The following ZNF148 variants were observed in gnomAD, a reference collection of about 807,000 sequenced individuals.
The protein encoded by ZNF148 is zinc finger protein 148.
Under a neutral mutation model 67.7 loss-of-function variants are expected in ZNF148, and 7 were observed. That is an observed-to-expected ratio of 0.10 (90% CI 0.06 to 0.19). The LOEUF is 0.19. Among genes scored for constraint, ZNF148 ranks in the 10% least tolerant of loss-of-function variants. The probability of loss-of-function intolerance (pLI) is 1.00; values close to 1 mark genes in which losing one functional copy is unlikely to be tolerated. For synonymous variants in ZNF148, 333 were observed against 330.7 expected (o/e 1.01, Z -0.08); for missense variants, 583 against 947.1 (o/e 0.62, Z 5.05).
intron 7 of ZNF148, among the ~76,000 whole-genome samples, chr3:125,250,140 A>G (rs1374733475): frequency 6.6e-6 from 1 of 152,230 alleles, no homozygotes; most frequent in Non-Finnish European, 1.5e-5. Flanking sequence ...AATTGTTGAG[A>G]GTAAATCTTA....
At position 125,363,221 on chromosome 3, in the gene ZNF148, C is replaced by G. The variant is rs1942598454; in HGVS notation, c.-234+11881G>C. 2.6e-5 allele frequency among the ~76,000 whole-genome samples: 4 copies of G among 152,186 alleles called. No individual in the cohort carries two copies. The South Asian group carries it at 8.3e-4, about 31-fold the overall frequency. On this transcript the variant is annotated intron_variant, in intron 1 of 8. Coordinates refer to ENST00000360647, the MANE Select transcript of ZNF148 (RefSeq NM_021964.3). ...GGAATGCATAATGATTTCTTTTTAA[C>G]TAGATTCTTCAACTATTACTTCAAT...
At chr3:125,260,037 C>A (rs1466497207) in intron 7 of ZNF148, among the ~76,000 whole-genome samples, 1 of 152,042 alleles carries the variant, frequency 6.6e-6, no homozygotes, top group African/African-American at 2.4e-5. Flanking sequence ...GAGGGAACAG[C>A]CAGTTGGTGG....
At chr3:125,373,743 C>T (rs528092870) in intron 1 of ZNF148, among the ~76,000 whole-genome samples, 56 of 152,318 alleles carry the variant, frequency 3.7e-4, no homozygotes, top group Middle Eastern at 3.4e-3. Flanking sequence ...CACTGGAGAA[C>T]TCCCTCACAG....
chr3:125,255,863 C>A (rs534394929), intron 7 of ZNF148, among the ~76,000 whole-genome samples: 1 of 151,768 alleles, frequency 6.6e-6, no homozygotes, highest in Non-Finnish European at 1.5e-5. Context: ...TTTTTCCCTG[C>A]CTGTCTTTAA....
chr3:125,234,117 C>T (rs2107833378), intron 8 of ZNF148, 94 bp downstream of exon 8: 1 of 1,216,182 alleles, frequency 8.2e-7, no homozygotes. Flanking sequence ...TAGAAGGCCC[C>T]TTAAATAGCT....
intron 5 of ZNF148, among the ~76,000 whole-genome samples, chr3:125,286,533 T>C (rs931716518): frequency 5.3e-5 from 8 of 152,212 alleles, no homozygotes; most frequent in Middle Eastern, 3.4e-3. Flanking sequence ...CTTTGATCAA[T>C]AGTGCACAAA....
chr3:125,304,769 G>A (rs967643939), intron 4 of ZNF148, among the ~76,000 whole-genome samples: 4 of 152,122 alleles, frequency 2.6e-5, no homozygotes, highest in Admixed American at 1.3e-4. Flanking sequence ...AGGCCTAGGA[G>A]CAGCTATATC....
chr3:125,281,550 G>C (rs1938387495), intron 5 of ZNF148, among the ~76,000 whole-genome samples: 1 of 152,120 alleles, frequency 6.6e-6, no homozygotes, highest in African/African-American at 2.4e-5. Context: ...GCAAGGAAAG[G>C]CTTTGTAAAG....
chr3:125,319,112 G>A (rs1005696859), intron 3 of ZNF148, among the ~76,000 whole-genome samples: 1 of 152,120 alleles, frequency 6.6e-6, no homozygotes. Flanking sequence ...AAGCCTAGTG[G>A]CAGAGGGCTA....
At chr3:125,360,215 T>C (rs1044293070) in intron 1 of ZNF148, among the ~76,000 whole-genome samples, 8 of 152,174 alleles carry the variant, frequency 5.3e-5, no homozygotes, top group African/African-American at 1.4e-4. Flanking sequence ...AGCTTCTCCA[T>C]GTTCTATTGT....
At chr3:125,284,109 G>C (rs1349972) in intron 5 of ZNF148, among the ~76,000 whole-genome samples, 1 of 151,836 alleles carries the variant, frequency 6.6e-6, no homozygotes, top group African/African-American at 2.4e-5. Context: ...TACTAAGGAG[G>C]TGGAAAAGAC....
chr3:125,238,920 T>C (rs1936218322), intron 7 of ZNF148, among the ~76,000 whole-genome samples: 1 of 152,238 alleles, frequency 6.6e-6, no homozygotes, highest in Non-Finnish European at 1.5e-5. Flanking sequence ...AATGAAGTAT[T>C]ATTCACCTAG....
chr3:125,241,006 ACAT>A, intron 7 of ZNF148, among the ~76,000 whole-genome samples: 1 of 148,210 alleles, frequency 6.7e-6, no homozygotes, highest in Non-Finnish European at 1.5e-5. Flanking sequence ...CTCCTTTAGT[ACAT>A]ATTTCCTTCC....
intron 2 of ZNF148, among the ~76,000 whole-genome samples, chr3:125,327,544 C>T (rs372761174): frequency 6.6e-6 from 1 of 152,182 alleles, no homozygotes. Flanking sequence ...GTCTGAGCCG[C>T]ACAACGTGGC....
chr3:125,313,730 T>A, intron 3 of ZNF148, 74 bp from the exon 4 acceptor site: 1 of 1,225,784 alleles, frequency 8.2e-7, no homozygotes, highest in Non-Finnish European at 1.1e-6. Flanking sequence ...ATTTTCAAAT[T>A]AAGAATTTGA....
At chr3:125,370,939 C>T (rs1166856512) in intron 1 of ZNF148, among the ~76,000 whole-genome samples, 1 of 152,170 alleles carries the variant, frequency 6.6e-6, no homozygotes, top group Non-Finnish European at 1.5e-5. Context: ...TGTATCACCA[C>T]CTCCATCAAA....
At chr3:125,298,675 AGTGCAGTGGC>A (rs1939420881) in intron 4 of ZNF148, among the ~76,000 whole-genome samples, 1 of 126,130 alleles carries the variant, frequency 7.9e-6, no homozygotes, top group African/African-American at 3.2e-5. Context: ...CCCAGGCTGG[AGTGCAGTGGC>A]GTGATCTCAG....
chr3:125,359,577 T>C (rs1169840286), intron 1 of ZNF148, among the ~76,000 whole-genome samples: 1 of 152,228 alleles, frequency 6.6e-6, no homozygotes, highest in Non-Finnish European at 1.5e-5. Context: ...TGTGCCCCAT[T>C]CTTCCACATT....
chr3:125,233,746 A>G lies in ZNF148; in HGVS notation c.980T>C (p.Met327Thr). ...RQKTEKKSSGMDKESALDKSD... is the reference protein window; with the variant it reads ...RQKTEKKSSGTDKESALDKSD... ...TTTGTCCAAAGCACTCTCTTTGTCC[A>G]TTCCAGATGATTTTTTCTCCGTTTT... The change falls in exon 9 of 9, where the codon ATG becomes ACG. Residue 327 changes from methionine (M) to threonine (T), a missense_variant. This residue lies in a region of ZNF148 where 78 missense variants were observed against 86.5 expected (regional missense o/e 0.90). Coordinates refer to ENST00000360647, the MANE Select transcript of ZNF148 (RefSeq NM_021964.3). This position sits in a 1 kb window ranked among gnomAD's most constrained non-coding sequence, Gnocchi z 5.1. The G allele has an allele frequency of 6.2e-7, 1 of 1,613,648 alleles. No individual in the cohort carries two copies. Among genetic ancestry groups the G allele is most frequent in the Non-Finnish European group, 8.5e-7 (1 of 1,179,848 alleles).
Sources: gnomAD v4.1 joint callset for allele counts (sites outside exome capture counted in the v4.1 genomes callset) on GRCh38, gnomAD v4.1.1 for gene constraint, gnomAD v4.1.1 regional missense constraint, Gnocchi (gnomAD v3.1) non-coding constraint, MANE v1.5 for transcripts, NCBI Gene and HGNC (gene_info 2026-07-23, HGNC 2026-07-21) for gene names.